Variants in SLC24A2 observed in about 807,000 individuals in gnomAD.
The protein encoded by SLC24A2 is sodium/potassium/calcium exchanger 2.
A neutral mutation model predicts 62.0 loss-of-function variants in SLC24A2; 36 were observed. The observed-to-expected ratio is 0.58, with a 90% CI of 0.44 to 0.77. The LOEUF (loss-of-function observed/expected upper bound fraction) is 0.77. Among genes scored for constraint, SLC24A2 ranks in the 30% least tolerant of loss-of-function variants. SLC24A2 has a pLI of 0.00. For synonymous variants in SLC24A2, 358 were observed against 294.0 expected (o/e 1.22, Z -2.23); for missense variants, 846 against 817.9 (o/e 1.03, Z -0.42).
the SLC24A2 span, among the ~76,000 whole-genome samples, chr9:20,010,056 A>C: frequency 6.6e-6 from 1 of 152,222 alleles, no homozygotes; most frequent in Admixed American, 6.5e-5. Flanking sequence ...GTGCCCAGCC[A>C]GCGGCGCTCC....
At chr9:19,921,768 C>T in the SLC24A2 span, among the ~76,000 whole-genome samples, 7 of 152,170 alleles carry the variant, frequency 4.6e-5, no homozygotes, top group South Asian at 2.1e-4. Context: ...GGGAACTCTA[C>T]GGTACAAGGC....
intron 2 of SLC24A2, among the ~76,000 whole-genome samples, chr9:19,685,565 A>C (rs1403469643): frequency 6.6e-6 from 1 of 152,038 alleles, no homozygotes; most frequent in Non-Finnish European, 1.5e-5. Flanking sequence ...AAACACATAG[A>C]TCTATGGACA....
At chr9:20,160,806 T>C in the SLC24A2 span, among the ~76,000 whole-genome samples, 2 of 150,052 alleles carry the variant, frequency 1.3e-5, no homozygotes, top group Non-Finnish European at 3.0e-5. Context: ...ATAATACAAA[T>C]GAAATGTTTT....
At chr9:19,993,218 C>G in the SLC24A2 span, among the ~76,000 whole-genome samples, 2 of 152,150 alleles carry the variant, frequency 1.3e-5, no homozygotes, top group South Asian at 4.1e-4. Context: ...GAAAATGGAT[C>G]ATATTATAAT....
At chr9:20,224,868 G>A in the SLC24A2 span, among the ~76,000 whole-genome samples, 2 of 151,368 alleles carry the variant, frequency 1.3e-5, no homozygotes, top group African/African-American at 4.8e-5. Context: ...CATTTCCACA[G>A]CTTGCCCTTG....
chr9:19,607,718 CAAAAAAAAAAA>C (rs769291086), intron 4 of SLC24A2, among the ~76,000 whole-genome samples: 1 of 67,244 alleles, frequency 1.5e-5, no homozygotes, highest in African/African-American at 5.3e-5. Flanking sequence ...GACTCTGTCT[CAAAAAAAAAAA>C]AAAAAAAAAA....
the SLC24A2 span, among the ~76,000 whole-genome samples, chr9:19,990,985 G>A: frequency 2.1e-5 from 3 of 143,996 alleles, no homozygotes; most frequent in Non-Finnish European, 4.5e-5. Flanking sequence ...GTATATGTAT[G>A]TATTATATAT....
the SLC24A2 span, among the ~76,000 whole-genome samples, chr9:20,262,878 G>T: frequency 7.8e-6 from 1 of 127,484 alleles, no homozygotes; most frequent in Non-Finnish European, 1.6e-5. Flanking sequence ...TATTCTGCAG[G>T]GTTGGTTTTG....
chr9:19,765,952 T>G (rs1315272443), intron 2 of SLC24A2, among the ~76,000 whole-genome samples: 2 of 152,206 alleles, frequency 1.3e-5, no homozygotes, highest in Non-Finnish European at 2.9e-5. Flanking sequence ...TAGGTTTGTT[T>G]TTTTCACATA....
the SLC24A2 span, among the ~76,000 whole-genome samples, chr9:20,199,732 T>C: frequency 1.3e-5 from 2 of 151,722 alleles, no homozygotes; most frequent in African/African-American, 2.4e-5. Context: ...CTTTTTTTTT[T>C]TTTTCTGACA....
chr9:19,633,107 T>C (rs1198466378), intron 2 of SLC24A2, among the ~76,000 whole-genome samples: 1 of 152,242 alleles, frequency 6.6e-6, no homozygotes, highest in Non-Finnish European at 1.5e-5. Context: ...ATAATTTCCT[T>C]AGGGTCTAAG....
chr9:19,636,318 T>TC (rs573300887), intron 2 of SLC24A2, among the ~76,000 whole-genome samples: 10,102 of 31,776 alleles, frequency 0.32, 1,670 homozygotes, highest in East Asian at 0.47. Flanking sequence ...TCTTTTCTTT[T>TC]CTTTCTTTCT....
At chr9:20,172,602 A>G in the SLC24A2 span, among the ~76,000 whole-genome samples, 1 of 152,116 alleles carries the variant, frequency 6.6e-6, no homozygotes, top group African/African-American at 2.4e-5. Context: ...AACCTAGAGG[A>G]GATGGATAAA....
In SLC24A2 at chr9:19,628,428, C is replaced by G. The variant is rs1587060918; in HGVS notation, c.931-6129G>C. On this transcript the variant is annotated intron_variant, in intron 2 of 10. Transcript: ENST00000341998. ...AGAAGGGCCTCAGGCTATTTCTGTA[C>G]TTAGGATACTAAGCACCAGTGTTAA... 3.9e-5 allele frequency among the ~76,000 whole-genome samples: 6 copies of G among 152,290 alleles called. 1 individual carries two copies. The highest frequency in any genetic ancestry group is 1.4e-4 in the African/African-American group (6 of 41,564).
At chr9:19,659,655 G>A (rs1819039389) in intron 2 of SLC24A2, among the ~76,000 whole-genome samples, 1 of 152,092 alleles carries the variant, frequency 6.6e-6, no homozygotes, top group African/African-American at 2.4e-5. Flanking sequence ...TTAACCTGAC[G>A]ACTAGGGCTG....
the SLC24A2 span, among the ~76,000 whole-genome samples, chr9:20,298,378 G>C: frequency 6.6e-6 from 1 of 152,128 alleles, no homozygotes; most frequent in Non-Finnish European, 1.5e-5. Flanking sequence ...ACAGGCACGC[G>C]CCACCATGCC....
At chr9:19,559,532 C>G (rs1043804087) in intron 7 of SLC24A2, among the ~76,000 whole-genome samples, 18 of 152,162 alleles carry the variant, frequency 1.2e-4, no homozygotes, top group African/African-American at 2.4e-5. Flanking sequence ...CATCTTAATT[C>G]TGTGTTTTGT....
At chr9:19,913,038 C>T in the SLC24A2 span, among the ~76,000 whole-genome samples, 2 of 152,120 alleles carry the variant, frequency 1.3e-5, no homozygotes, top group Non-Finnish European at 2.9e-5. Flanking sequence ...ATCTCTCTGA[C>T]AATTACCTCT....
the SLC24A2 span, among the ~76,000 whole-genome samples, chr9:20,111,507 T>G: frequency 6.6e-6 from 1 of 152,190 alleles, no homozygotes; most frequent in East Asian, 1.9e-4. Context: ...AATTTCCAAT[T>G]TGAATATGCC....
Sources: allele counts gnomAD v4.1 joint callset (sites outside exome capture counted in the v4.1 genomes callset), GRCh38; gene constraint gnomAD v4.1.1; transcripts MANE v1.5; gene names NCBI Gene and HGNC (gene_info 2026-07-23, HGNC 2026-07-21).